The following NEK1 variants were observed in gnomAD, a reference collection of about 807,000 sequenced individuals.
The protein encoded by NEK1 is serine/threonine-protein kinase Nek1.
In NEK1, 137 loss-of-function variants were observed where a neutral mutation model predicts 182.1. The observed-to-expected ratio is 0.75, with a 90% CI of 0.65 to 0.87. The LOEUF is 0.87. Ranked by LOEUF, NEK1 falls within the 40% of genes least tolerant of loss-of-function variation. The pLI, the probability that NEK1 is intolerant of heterozygous loss-of-function variation, is 0.00. For missense variants in NEK1, 1,391 were observed against 1,494.4 expected (o/e 0.93, Z 1.14); for synonymous variants, 513 against 492.2 (o/e 1.04, Z -0.56).
rs1767396205 is a variant in NEK1 at position 169,585,534 on chromosome 4, T to C, written c.622A>G (p.Met208Val). Residue 208 changes from methionine to valine, a missense_variant, in exon 10 of 36, where the codon ATG becomes GTG. By Grantham distance (21) the Met-to-Val change is conservative. Transcript: ENST00000507142. Reference sequence around the variant, plus strand: ...ATTATCTTCAGTACCAGGTTTTTCATACTGCCAGCTTCAAACTAAATTCCA... The same window carrying C: ...ATTATCTTCAGTACCAGGTTTTTCACACTGCCAGCTTCAAACTAAATTCCA... ...TLKHAFEAGS[M>V]KNLVLKIISG... is the part of the protein sequence containing the mutation. 1 of 1,610,702 alleles carries C rather than the reference T, an allele frequency of 6.2e-7. No individual in the cohort carries two copies. Among genetic ancestry groups the C allele is most frequent in the Non-Finnish European group, 8.5e-7 (1 of 1,178,140 alleles).
intron 11 of NEK1, among the ~76,000 whole-genome samples, chr4:169,579,728 G>A (rs55765964): frequency 0.013 from 1,982 of 151,102 alleles, 39 homozygotes; most frequent in African/African-American, 0.045. Context: ...GGCAGAGGTT[G>A]CAGTGAGCTG....
At chr4:169,476,499 C>T (rs1392733745) in intron 26 of NEK1, among the ~76,000 whole-genome samples, 1 of 151,982 alleles carries the variant, frequency 6.6e-6, no homozygotes, top group African/African-American at 2.4e-5. Context: ...AAAATAAATG[C>T]TATCAAGTCT....
At chr4:169,397,523 A>T (rs1353928544) in intron 35 of NEK1, among the ~76,000 whole-genome samples, 1 of 152,112 alleles carries the variant, frequency 6.6e-6, no homozygotes, top group Admixed American at 6.5e-5. Context: ...AATGGTATGT[A>T]CTAAGAGTTT....
At position 169,612,274 on chromosome 4, in the gene NEK1, C is replaced by A. The variant is rs1213471231; in HGVS notation, c.-225G>T. On this transcript the variant is annotated 5_prime_UTR_variant, in exon 1 of 36. Coordinates refer to ENST00000507142, the MANE Select transcript of NEK1 (RefSeq NM_001199397.3). ...GGGTTTGACTCCGTCCTGTCTCGGG[C>A]GACGCCCGTAAGACAGGTCGACACT... 6.6e-6 allele frequency: 1 copy of A among 152,286 alleles called. No homozygotes were observed. Among genetic ancestry groups the A allele is most frequent in the African/African-American group, 2.4e-5 (1 of 41,468 alleles). 9.4% of individuals were successfully genotyped at this position (152,286 alleles called of 1,614,324 possible).
intron 33 of NEK1, among the ~76,000 whole-genome samples, chr4:169,401,076 A>G (rs1731594143): frequency 6.6e-6 from 1 of 152,190 alleles, no homozygotes; most frequent in Non-Finnish European, 1.5e-5. Flanking sequence ...ACATTTCAGG[A>G]AAGCACCTAG....
At chr4:169,547,668 G>A (rs188810056) in intron 18 of NEK1, among the ~76,000 whole-genome samples, 142 of 152,080 alleles carry the variant, frequency 9.3e-4, no homozygotes, top group African/African-American at 3.3e-3. Flanking sequence ...GGCTTTGTTC[G>A]TTTCTTTTCA....
At chr4:169,457,920 A>G (rs1289431557) in intron 27 of NEK1, among the ~76,000 whole-genome samples, 1 of 152,070 alleles carries the variant, frequency 6.6e-6, no homozygotes, top group Admixed American at 6.6e-5. Context: ...ATTAAAGAAC[A>G]ATAAAGAGAT....
At chr4:169,591,384 G>A (rs1768485835) in intron 5 of NEK1, among the ~76,000 whole-genome samples, 1 of 151,836 alleles carries the variant, frequency 6.6e-6, no homozygotes, top group Non-Finnish European at 1.5e-5. Flanking sequence ...TGAACTCCTG[G>A]TCTCAGGAGT....
intron 12 of NEK1, among the ~76,000 whole-genome samples, chr4:169,573,717 G>A (rs1765229978): frequency 6.6e-6 from 1 of 152,178 alleles, no homozygotes; most frequent in South Asian, 2.1e-4. Flanking sequence ...AAGTAAGCTA[G>A]AAACACAGGA....
chr4:169,521,011 T>A (rs1265321942), intron 19 of NEK1, among the ~76,000 whole-genome samples: 1 of 70,602 alleles, frequency 1.4e-5, no homozygotes, highest in Non-Finnish European at 2.8e-5. Flanking sequence ...CAGGCAGGCC[T>A]CCTTGAGCTG....
At chr4:169,495,835 G>A (rs200126609) in intron 23 of NEK1, among the ~76,000 whole-genome samples, 19,995 of 151,912 alleles carry the variant, frequency 0.13, 1,433 homozygotes, top group African/African-American at 0.2. Flanking sequence ...GTCAGGTAGT[G>A]TGATGCCTCC....
At chr4:169,467,279 T>C (rs1745107132) in intron 26 of NEK1, among the ~76,000 whole-genome samples, 1 of 152,070 alleles carries the variant, frequency 6.6e-6, no homozygotes, top group Non-Finnish European at 1.5e-5. Flanking sequence ...TACACACAGA[T>C]TTTTGACTAC....
intron 13 of NEK1, 119 bp from the exon 14 acceptor site, chr4:169,562,010 AAAAG>A (rs1762997324): frequency 8.9e-7 from 1 of 1,123,448 alleles, no homozygotes. Flanking sequence ...TTTAAAAAAA[AAAAG>A]AAGTTATAGG....
chr4:169,438,971 C>T (rs541903412), intron 27 of NEK1, among the ~76,000 whole-genome samples: 1 of 152,294 alleles, frequency 6.6e-6, no homozygotes, highest in East Asian at 1.9e-4. Context: ...CCTCTAATCT[C>T]TAACACTCAT....
chr4:169,593,292 C>T (rs1768849566), intron 5 of NEK1, among the ~76,000 whole-genome samples: 1 of 152,080 alleles, frequency 6.6e-6, no homozygotes, highest in South Asian at 2.1e-4. Flanking sequence ...TAAAAGCAAC[C>T]ACAGATTATA....
intron 19 of NEK1, 121 bp from the exon 20 acceptor site, chr4:169,508,973 A>C: frequency 1.4e-6 from 1 of 702,208 alleles, no homozygotes; most frequent in Non-Finnish European, 2.3e-6. Context: ...ATTGATGATA[A>C]ACTGTGATAA....
At chr4:169,445,208 CAGGAG>C (rs1369573642) in intron 27 of NEK1, among the ~76,000 whole-genome samples, 1 of 151,990 alleles carries the variant, frequency 6.6e-6, no homozygotes, top group Non-Finnish European at 1.5e-5. Context: ...TCCTTGAGGC[CAGGAG>C]TTAGAGATCG....
intron 16 of NEK1, among the ~76,000 whole-genome samples, chr4:169,558,977 CAAGTT>C: frequency 6.6e-6 from 1 of 152,196 alleles, no homozygotes; most frequent in African/African-American, 2.4e-5. Flanking sequence ...AACAGCCTAA[CAAGTT>C]AAAATATTTC....
At chr4:169,445,863 T>TATATATATATATATATATACAC (rs1554034324) in intron 27 of NEK1, among the ~76,000 whole-genome samples, 2 of 130,838 alleles carry the variant, frequency 1.5e-5, no homozygotes, top group African/African-American at 5.9e-5. Context: ...TATATATATA[T>TATATATATATATATATATACAC]ATACACACAC....
Sources: allele counts gnomAD v4.1 joint callset (sites outside exome capture counted in the v4.1 genomes callset), GRCh38; gene constraint gnomAD v4.1.1; transcripts MANE v1.5; gene names NCBI Gene and HGNC (gene_info 2026-07-23, HGNC 2026-07-21).